The following TMEM65 variants were observed in gnomAD, a reference collection of about 807,000 sequenced individuals.
The protein encoded by TMEM65 is transmembrane protein 65.
TMEM65 carries 22 observed loss-of-function variants against 25.4 expected under a neutral mutation model. That is an observed-to-expected ratio of 0.86 (90% CI 0.62 to 1.23). The LOEUF is 1.23. TMEM65 is among the 50% of genes most tolerant of loss of function. The probability of loss-of-function intolerance (pLI) is 0.00; values close to 1 mark genes in which losing one functional copy is unlikely to be tolerated. For missense variants in TMEM65, 262 were observed against 308.2 expected (o/e 0.85, Z 1.12); for synonymous variants, 132 against 126.2 (o/e 1.05, Z -0.31).
At chr8:124,317,429 C>G (rs1413731271) in intron 6 of TMEM65, among the ~76,000 whole-genome samples, 1 of 152,170 alleles carries the variant, frequency 6.6e-6, no homozygotes. Context: ...TTCATTACTT[C>G]TTAAAACTTC....
At chr8:124,330,889 G>T in intron 1 of TMEM65, 97 bp from the exon 2 acceptor site, 1 of 1,094,156 alleles carries the variant, frequency 9.1e-7, no homozygotes, top group East Asian at 2.6e-5. Flanking sequence ...TACAACGTGG[G>T]AGAATATCAG....
chr8:124,324,716 C>T (rs552337948), intron 3 of TMEM65, among the ~76,000 whole-genome samples: 1 of 152,148 alleles, frequency 6.6e-6, no homozygotes, highest in South Asian at 2.1e-4. Flanking sequence ...GAATGTAACA[C>T]AGCTGAAGGT....
chr8:124,369,525 A>T (rs28589797), intron 1 of TMEM65, among the ~76,000 whole-genome samples: 13,495 of 152,296 alleles, frequency 0.089, 643 homozygotes, highest in East Asian at 0.15. Context: ...ATAGCCCTTT[A>T]AATAGAATTA....
At chr8:124,353,577 A>C (rs918850577) in intron 1 of TMEM65, among the ~76,000 whole-genome samples, 20 of 152,046 alleles carry the variant, frequency 1.3e-4, no homozygotes, top group African/African-American at 4.8e-4. Flanking sequence ...CTTGGTTTCT[A>C]AATACTAATC....
rs185640060 is a variant in TMEM65 at position 124,328,485 on chromosome 8, A to G, written c.350-1064T>C. Among the ~76,000 whole-genome samples, 25 of 152,198 alleles carry G rather than the reference A, an allele frequency of 1.6e-4. 1 individual carries two copies. The East Asian group carries it at 3.1e-3, about 19-fold the overall frequency. On this transcript the variant is annotated intron_variant, in intron 2 of 6. Transcript: ENST00000297632. The stretch of plus-strand genomic sequence containing the variant: ...TTATTCTCATTTCTTTCATATTTAC[A>G]TCTTCAGCAGAATATTGAGGGCATG...
chr8:124,357,829 C>CTTTTTTTTTTTTT (rs35830531), intron 1 of TMEM65, among the ~76,000 whole-genome samples: 5 of 105,848 alleles, frequency 4.7e-5, no homozygotes, highest in Non-Finnish European at 8.8e-5. Context: ...ACTTTTTTAT[C>CTTTTTTTTTTTTT]TTTTTTTTTT....
At chr8:124,336,460 AC>A (rs1814507645) in intron 1 of TMEM65, among the ~76,000 whole-genome samples, 2 of 152,058 alleles carry the variant, frequency 1.3e-5, no homozygotes, top group South Asian at 4.1e-4. Flanking sequence ...ATGCTGATCC[AC>A]AAAACATGTT....
chr8:124,325,431 T>C (rs1167331684), intron 3 of TMEM65, among the ~76,000 whole-genome samples: 2 of 152,044 alleles, frequency 1.3e-5, no homozygotes, highest in Non-Finnish European at 2.9e-5. Context: ...TGTCTCTGAA[T>C]GAGTTTGCAG....
intron 1 of TMEM65, among the ~76,000 whole-genome samples, chr8:124,332,852 C>G (rs531115765): frequency 2.2e-4 from 34 of 152,150 alleles, no homozygotes; most frequent in African/African-American, 7.7e-4. Context: ...CTCTCCCAGG[C>G]TGAAGTGCAG....
chr8:124,352,079 T>C (rs1478180762), intron 1 of TMEM65, among the ~76,000 whole-genome samples: 4 of 152,180 alleles, frequency 2.6e-5, no homozygotes, highest in Non-Finnish European at 5.9e-5. Context: ...AACAGACTAT[T>C]AAAGAAAAGC....
chr8:124,355,247 A>G (rs1238759091), intron 1 of TMEM65, among the ~76,000 whole-genome samples: 4 of 136,370 alleles, frequency 2.9e-5, no homozygotes, highest in South Asian at 2.1e-4. Flanking sequence ...CTTTGAGCAG[A>G]AAAAAAAAAA....
intron 1 of TMEM65, among the ~76,000 whole-genome samples, chr8:124,340,699 G>A (rs184932144): frequency 6.6e-6 from 1 of 152,056 alleles, no homozygotes; most frequent in Non-Finnish European, 1.5e-5. Context: ...TATTAAAAAC[G>A]AGTGAGTTAA....
chr8:124,357,809 A>G (rs62530024), intron 1 of TMEM65, among the ~76,000 whole-genome samples: 1 of 53,842 alleles, frequency 1.9e-5, no homozygotes. Context: ...TTTTTTTTAT[A>G]TATATTTTTA....
intron 6 of TMEM65, among the ~76,000 whole-genome samples, chr8:124,316,549 A>G (rs1814240118): frequency 6.6e-6 from 1 of 152,172 alleles, no homozygotes; most frequent in African/African-American, 2.4e-5. Context: ...CAACTAAGGA[A>G]CAGAATCACT....
At chr8:124,371,269 T>G (rs1231548928) in intron 1 of TMEM65, among the ~76,000 whole-genome samples, 1 of 152,212 alleles carries the variant, frequency 6.6e-6, no homozygotes, top group African/African-American at 2.4e-5. Flanking sequence ...GAGAAAATGT[T>G]TCCTTTGGCT....
chr8:124,360,064 T>G (rs749251467), intron 1 of TMEM65, among the ~76,000 whole-genome samples: 2 of 152,074 alleles, frequency 1.3e-5, no homozygotes, highest in Non-Finnish European at 2.9e-5. Context: ...ACTAAATAAG[T>G]CTTCAAGACA....
chr8:124,314,741 T>C (rs1418921911), intron 6 of TMEM65, among the ~76,000 whole-genome samples: 1 of 152,180 alleles, frequency 6.6e-6, no homozygotes, highest in Non-Finnish European at 1.5e-5. Context: ...CCTGATCTCT[T>C]CCCGAACTCT....
intron 1 of TMEM65, among the ~76,000 whole-genome samples, chr8:124,332,869 G>A (rs1242820766): frequency 2.0e-5 from 3 of 151,958 alleles, no homozygotes; most frequent in South Asian, 2.1e-4. Flanking sequence ...GCAGTGGCGC[G>A]ATCTCGGCTC....
chr8:124,318,926 G>C (rs1173771891), intron 6 of TMEM65, among the ~76,000 whole-genome samples: 1 of 152,148 alleles, frequency 6.6e-6, no homozygotes, highest in South Asian at 2.1e-4. Flanking sequence ...ACCTCGCTCT[G>C]TTTTCCCTTT....
Sources: gnomAD v4.1 joint callset for allele counts (sites outside exome capture counted in the v4.1 genomes callset) on GRCh38, gnomAD v4.1.1 for gene constraint, MANE v1.5 for transcripts, NCBI Gene and HGNC (gene_info 2026-07-23, HGNC 2026-07-21) for gene names.